Variants in TAF1C observed in about 807,000 individuals in gnomAD.
TAF1C encodes the protein TATA box-binding protein-associated factor RNA polymerase I subunit C.
Under a neutral mutation model 70.5 loss-of-function variants are expected in TAF1C, and 79 were observed. The observed-to-expected ratio is 1.12, with a 90% CI of 0.93 to 1.35. The LOEUF is 1.35. TAF1C is among the 40% of genes most tolerant of loss of function. The pLI is 0.00. For synonymous variants in TAF1C, 614 were observed against 491.1 expected (o/e 1.25, Z -3.31); for missense variants, 1,412 against 1,127.8 (o/e 1.25, Z -3.61).
chr16:84,184,926 G>T lies in TAF1C; in HGVS notation c.63C>A (p.Asp21Glu), dbSNP rs189027696. Residue 21 changes from aspartate to glutamate, a missense_variant, in exon 2 of 15, where the codon GAC (aspartate) becomes GAA (glutamate). Physicochemically the swap from Asp to Glu is conservative, Grantham distance 45. Transcript: ENST00000566732. ...LFLTGPLGLS[D>E]VPDLSFMCSW... ...TGCACATGAAAGAGAGGTCAGGGAC[G>T]TCGCTCAGACCAAGGGGGCCGGTCA... The T allele has an allele frequency of 2.5e-6, 4 of 1,613,652 alleles. No homozygotes were observed. The African/African-American group carries it at 4.0e-5, about 16-fold the overall frequency.
Position 84,179,435 on chromosome 16 carries a change from G to C in TAF1C, c.2038C>G (p.Pro680Ala), listed in dbSNP as rs777449667. ...TCTAGGCCTGACTCGGGTGCAGGGG[G>C]TGGCTCTGCCGCAGGGAGGGAGCCC... ...DLGSLPAAEP[P>A]PAPESGLEDK... Residue 680 changes from proline (P) to alanine (A), a missense_variant, in exon 15 of 15, where the codon CCC (proline) becomes GCC (alanine). By Grantham distance (27) the Pro-to-Ala change is conservative (BLOSUM62 -1). Coordinates refer to ENST00000566732, the MANE Select transcript of TAF1C (RefSeq NM_001243156.2). The C allele has an allele frequency of 1.0e-5, 16 of 1,596,898 alleles. No homozygotes were observed. The highest frequency in any genetic ancestry group is 4.0e-5 in the African/African-American group (3 of 74,832).
Position 84,183,749 on chromosome 16 carries a change from C to T in TAF1C, c.168G>A (p.Leu56=), listed in dbSNP as rs1285441733. Residue 56 remains leucine, a synonymous_variant, in exon 3 of 15, where the codon CTG becomes CTA. Transcript: ENST00000566732. ...ENGALHVTKD[L]LWEPATPGPL... ...GCCCAGGGGTTGCCGGCTCCCACAG[C>T]AGGTCCTTGGTCACATGCAGTGCCC... The T allele has an allele frequency of 1.2e-6, 2 of 1,613,086 alleles. No homozygotes were observed. The highest frequency in any genetic ancestry group is 1.1e-5 in the South Asian group (1 of 90,952).
In TAF1C at chr16:84,179,369, G is replaced by C. The variant is rs201136168; in HGVS notation, c.2104C>G (p.Arg702Gly). The C allele has an allele frequency of 1.3e-4, 206 of 1,599,862 alleles. No individual in the cohort carries two copies. The highest frequency in any genetic ancestry group is 6.6e-4 in the Middle Eastern group (4 of 6,072). Reference protein sequence around the residue: ...SERLGEAWAGRGAAWWERQQG... With the variant: ...SERLGEAWAGGGAAWWERQQG... ...TGCCTCTCCCACCAGGCAGCCCCTC[G>C]GCCTGCCCAGGCTTCCCCCAGGCGC... The change falls in exon 15 of 15, where the codon CGA (arginine) becomes GGA (glycine). Residue 702 changes from arginine (R) to glycine (G), a missense_variant. Coordinates refer to ENST00000566732, the MANE Select transcript of TAF1C (RefSeq NM_001243156.2).
Position 84,179,056 on chromosome 16 carries a change from G to C in TAF1C, c.2417C>G (p.Ala806Gly), listed in dbSNP as rs748944760. The change falls in exon 15 of 15, where the codon GCC becomes GGC. Residue 806 changes from alanine (A) to glycine (G), a missense_variant. Physicochemically the swap from Ala to Gly is moderately conservative, Grantham distance 60. Coordinates refer to ENST00000566732, the MANE Select transcript of TAF1C (RefSeq NM_001243156.2). ...LPPQRDTPGC[A>G]TTPPHSQASS... ...GGCCTGGGAGTGGGGAGGTGTGGTGGCACAGCCTGGGGTGTCCCTCTGGGG... is the reference window on the plus strand; with the variant it reads ...GGCCTGGGAGTGGGGAGGTGTGGTGCCACAGCCTGGGGTGTCCCTCTGGGG... 1 of 1,610,636 alleles carries C rather than the reference G, an allele frequency of 6.2e-7. No homozygotes were observed.
At chr16:84,185,768 C>G (rs1202324980) in intron 1 of TAF1C, among the ~76,000 whole-genome samples, 1 of 152,064 alleles carries the variant, frequency 6.6e-6, no homozygotes, top group African/African-American at 2.4e-5. Context: ...GGCGTGGTGA[C>G]GCATGCCTGT....
rs1219194034 is a variant in TAF1C at position 84,182,841 on chromosome 16, C to G, written c.482+235G>C. ...CGAGACAGGAAAGAGAGACACAGCT[C>G]TATGAACATTATTTGAACACCTGGA... On this transcript the variant is annotated intron_variant, in intron 6 of 14. Transcript: ENST00000566732. This position sits in a 1 kb window ranked among gnomAD's most constrained non-coding sequence, Gnocchi z 5.0. 6.6e-6 allele frequency among the ~76,000 whole-genome samples: 1 copy of G among 152,206 alleles called. No homozygotes were observed. Among genetic ancestry groups the G allele is most frequent in the Non-Finnish European group, 1.5e-5 (1 of 68,030 alleles).
chr16:84,178,804 T>C lies in TAF1C; in HGVS notation c.*137A>G, dbSNP rs970304304. On this transcript the variant is annotated 3_prime_UTR_variant, in exon 15 of 15. Coordinates refer to ENST00000566732, the MANE Select transcript of TAF1C (RefSeq NM_001243156.2). ...CCTGTCCCTTCAACTTGGCTCCAAA[T>C]TGCTTGGCTCATCATCACAGTGGCC... 24 of 930,552 alleles carry C rather than the reference T, an allele frequency of 2.6e-5. No homozygotes were observed. The highest frequency in any genetic ancestry group is 3.6e-5 in the Non-Finnish European group (23 of 633,172). The allele number at this position is 930,552 out of a possible 1,614,324, so 57.6% of individuals were successfully genotyped here.
rs1052329887 is a variant in TAF1C, at chr16:84,178,294, C to T, written c.*647G>A. 4 of 456,098 alleles carry T rather than the reference C, an allele frequency of 8.8e-6. No individual in the cohort carries two copies. Among genetic ancestry groups the T allele is most frequent in the African/African-American group, 2.0e-5 (1 of 50,086 alleles). 28.3% of individuals were successfully genotyped at this position (456,098 alleles called of 1,614,324 possible). A position where few individuals can be genotyped will look rare whatever the true frequency, so the allele number is the denominator to read the frequency against. On this transcript the variant is annotated 3_prime_UTR_variant, in exon 15 of 15. Transcript: ENST00000566732. ...CCATGTCCCAAGGGAGAAGGAACAT[C>T]AGCCATCATCTCTCTGCATGAGCTC...
In TAF1C at chr16:84,181,338, A is replaced by G; in HGVS notation, c.1154T>C (p.Leu385Pro). Residue 385 changes from leucine to proline, a missense_variant, in exon 11 of 15, where the codon CTG (leucine) becomes CCG (proline). Physicochemically the swap from Leu to Pro is moderately conservative, Grantham distance 98. Transcript: ENST00000566732. ...GCCGCCAGCCCGTACCTGAGTGTCC[A>G]GCATCTTCACTCCGGTGCGGTCACC... ...TVGDRTGVKM[L>P]DTQGPPGCGL... The G allele has an allele frequency of 6.2e-7, 1 of 1,613,584 alleles. No individual in the cohort carries two copies.
In TAF1C at chr16:84,182,986, G is replaced by T. The variant is rs947447466; in HGVS notation, c.482+90C>A. On this transcript the variant is annotated intron_variant, in intron 6 of 14. Transcript: ENST00000566732. The surrounding 1 kb of genome is among the most constrained non-coding windows in gnomAD (Gnocchi z 5.0). ...CATGGAGCAGGGGGGAAGTGGGTATGACGGAAAGCTGTACGTGCGTCCTAG... is the reference window on the plus strand; with the variant it reads ...CATGGAGCAGGGGGGAAGTGGGTATTACGGAAAGCTGTACGTGCGTCCTAG... 3.7e-6 allele frequency: 5 copies of T among 1,341,326 alleles called. No homozygotes were observed. In the African/African-American group the frequency reaches 5.7e-5, roughly 15 times the overall value. The allele number at this position is 1,341,326 out of a possible 1,614,324, so 83.1% of individuals were successfully genotyped here. A position where few individuals can be genotyped will look rare whatever the true frequency, so the allele number is the denominator to read the frequency against.
At chr16:84,180,472 C>T in intron 12 of TAF1C, 128 bp from the exon 13 acceptor site, 1 of 963,172 alleles carries the variant, frequency 1.0e-6, no homozygotes. Context: ...TCCCATCAGC[C>T]TCCACGTGCC....
At chr16:84,184,614 C>A (rs1239840426) in intron 2 of TAF1C, among the ~76,000 whole-genome samples, 1 of 152,228 alleles carries the variant, frequency 6.6e-6, no homozygotes, top group Non-Finnish European at 1.5e-5. Context: ...GAGGGGTCAA[C>A]CGACTGATTC....
Position 84,180,236 on chromosome 16 carries a change from G to C in TAF1C, c.1417C>G (p.Pro473Ala). The C allele has an allele frequency of 6.5e-7, 1 of 1,540,350 alleles. No individual in the cohort carries two copies. The highest frequency in any genetic ancestry group is 8.7e-7 in the Non-Finnish European group (1 of 1,147,622). ...LLARLLPPPR[P>A]SCVQPLLLGG... ...AGGAGCAGGGGCTGCACGCAGCTGGGCCGGGGCGGAGGCAGCAGTCGGGCC... is the reference window on the plus strand; with the variant it reads ...AGGAGCAGGGGCTGCACGCAGCTGGCCCGGGGCGGAGGCAGCAGTCGGGCC... Residue 473 changes from proline to alanine, a missense_variant, in exon 13 of 15, where the codon CCC becomes GCC. Coordinates refer to ENST00000566732, the MANE Select transcript of TAF1C (RefSeq NM_001243156.2).
chr16:84,183,125 C>T lies in TAF1C; in HGVS notation c.433G>A (p.Val145Ile). 1 of 1,614,112 alleles carries T rather than the reference C, an allele frequency of 6.2e-7. No individual in the cohort carries two copies. The highest frequency in any genetic ancestry group is 8.5e-7 in the Non-Finnish European group (1 of 1,180,028). Residue 145 changes from valine to isoleucine, a missense_variant, in exon 6 of 15, where the codon GTC (valine) becomes ATC (isoleucine). Coordinates refer to ENST00000566732, the MANE Select transcript of TAF1C (RefSeq NM_001243156.2). Reference protein sequence around the residue: ...AGSRTKKKTVVSVKKLLQDLG... With the variant: ...AGSRTKKKTVISVKKLLQDLG... ...TCCTGGAGCAGCTTCTTCACACTGA[C>T]CACTGTCTTCTTCTTAGTGCGGCTC...
chr16:84,180,035 G>A lies in TAF1C; in HGVS notation c.1532C>T (p.Pro511Leu). Residue 511 changes from proline (P) to leucine (L), a missense_variant, in exon 14 of 15, where the codon CCT (proline) becomes CTT (leucine). Pro to Leu is a moderately conservative substitution (Grantham distance 98). Transcript: ENST00000566732. ...PRLAGPPQSL[P>L]SRIDSLPAFP... ...TGCAGGGAGGGAGTCGATCCTGGAAGGAAGAGACTGGGGGGGGCCTGCCAG... is the reference window on the plus strand; with the variant it reads ...TGCAGGGAGGGAGTCGATCCTGGAAAGAAGAGACTGGGGGGGGCCTGCCAG... 2 of 1,609,244 alleles carry A rather than the reference G, an allele frequency of 1.2e-6. No individual in the cohort carries two copies. Among genetic ancestry groups the A allele is most frequent in the Non-Finnish European group, 1.7e-6 (2 of 1,178,406 alleles).
chr16:84,185,985 T>C (rs927729074), intron 1 of TAF1C, among the ~76,000 whole-genome samples: 1 of 152,206 alleles, frequency 6.6e-6, no homozygotes, highest in Non-Finnish European at 1.5e-5. Flanking sequence ...TCCTTTTTAA[T>C]TAACAAAAAT....
Position 84,178,540 on chromosome 16 carries a change from T to C in TAF1C, c.*401A>G, listed in dbSNP as rs1459154821. 1 of 452,170 alleles carries C rather than the reference T, an allele frequency of 2.2e-6. No individual in the cohort carries two copies. Among genetic ancestry groups the C allele is most frequent in the East Asian group, 6.7e-5 (1 of 14,950 alleles). The allele number at this position is 452,170 out of a possible 1,614,324, so 28.0% of individuals were successfully genotyped here. On this transcript the variant is annotated 3_prime_UTR_variant, in exon 15 of 15. Coordinates refer to ENST00000566732, the MANE Select transcript of TAF1C (RefSeq NM_001243156.2). The stretch of plus-strand genomic sequence containing the variant: ...ATCAGCAGCTCTGCAGGGGCCTCAC[T>C]CCACCCTCACCAAACACGAGGAGCC...
intron 10 of TAF1C, 42 bp from the exon 11 acceptor site, chr16:84,181,505 TG>T (rs776014865): frequency 1.1e-5 from 18 of 1,613,352 alleles, no homozygotes; most frequent in Non-Finnish European, 1.4e-5. Context: ...GACAGGCTGA[TG>T]GGGAAGGGGC....
chr16:84,182,323 C>T lies in TAF1C; in HGVS notation c.600G>A (p.Leu200=), dbSNP rs552303270. The T allele has an allele frequency of 1.2e-6, 2 of 1,612,818 alleles. No individual in the cohort carries two copies. Among genetic ancestry groups the T allele is most frequent in the African/African-American group, 2.7e-5 (2 of 75,070 alleles). The change falls in exon 7 of 15, where the codon CTG becomes CTA. Residue 200 remains leucine (L), a synonymous_variant. Transcript: ENST00000566732. The surrounding 1 kb of genome is among the most constrained non-coding windows in gnomAD (Gnocchi z 5.0). The stretch of plus-strand genomic sequence containing the variant: ...CATCCAGAAGCAGCTGCTCCCACCG[C>T]AGCACCAGCTCCTCGTGCAGCAGCT... ...LAELLHEELV[L]RWEQLLLDEA...
Sources: allele counts gnomAD v4.1 joint callset (sites outside exome capture counted in the v4.1 genomes callset), GRCh38; gene constraint gnomAD v4.1.1; non-coding constraint Gnocchi (gnomAD v3.1); transcripts MANE v1.5; gene names NCBI Gene and HGNC (gene_info 2026-07-23, HGNC 2026-07-21).